The following AUTS2 variants were observed in gnomAD, a reference collection of about 807,000 sequenced individuals.
The protein encoded by AUTS2 is autism susceptibility gene 2 protein.
A neutral mutation model predicts 112.4 loss-of-function variants in AUTS2; 17 were observed. The ratio of observed to expected loss-of-function variants is 0.15; its 90% CI spans 0.10 to 0.23. The LOEUF (loss-of-function observed/expected upper bound fraction) is 0.23. Ranked by LOEUF, AUTS2 falls within the 10% of genes least tolerant of loss-of-function variation. The pLI is 1.00. For synonymous variants in AUTS2, 751 were observed against 702.7 expected, an observed-to-expected ratio of 1.07 and a Z score of -1.09; for missense variants, 1,510 against 1,701.6, an observed-to-expected ratio of 0.89 and a Z score of 1.98.
chr7:69,628,286 G>A (rs1362580272), intron 1 of AUTS2, among the ~76,000 whole-genome samples: 2 of 152,138 alleles, frequency 1.3e-5, no homozygotes, highest in African/African-American at 4.8e-5. Context: ...ACAGAGAGAG[G>A]AAACTTTTAA....
chr7:70,528,836 C>G (rs79950672), intron 5 of AUTS2, among the ~76,000 whole-genome samples: 4,638 of 151,550 alleles, frequency 0.031, 104 homozygotes, highest in Middle Eastern at 0.095. Flanking sequence ...TGCCCTCCAT[C>G]TAGAAGGGGA....
At chr7:70,002,849 C>T (rs1799261006) in intron 2 of AUTS2, among the ~76,000 whole-genome samples, 1 of 151,930 alleles carries the variant, frequency 6.6e-6, no homozygotes, top group Non-Finnish European at 1.5e-5. Flanking sequence ...TTTATTTGTA[C>T]ATCACTCTTA....
At chr7:70,106,667 G>T (rs968185662) in intron 2 of AUTS2, among the ~76,000 whole-genome samples, 2 of 152,182 alleles carry the variant, frequency 1.3e-5, no homozygotes, top group African/African-American at 2.4e-5. Flanking sequence ...CTGCAGTGGG[G>T]TGTGATCGTA....
In AUTS2 at chr7:70,727,006, C is replaced by T. The variant is rs568364541; in HGVS notation, c.742+28386C>T. 5.5e-4 allele frequency among the ~76,000 whole-genome samples: 83 copies of T among 152,254 alleles called. No homozygotes were observed. In the Middle Eastern group the frequency reaches 0.014, roughly 25 times the overall value. On this transcript the variant is annotated intron_variant, in intron 6 of 18. Transcript: ENST00000342771. ...AGGTAGGCTTGTGTTTTCACTTCTC[C>T]GTGCCAGCTTTCTGTCCTCACCCTC...
At chr7:69,810,355 T>G (rs548172107) in intron 1 of AUTS2, among the ~76,000 whole-genome samples, 3 of 152,340 alleles carry the variant, frequency 2.0e-5, no homozygotes, top group Admixed American at 2.0e-4. Context: ...CTCATAAGGA[T>G]TAACTGTGAT....
At chr7:70,638,757 C>CA (rs1405869760) in intron 5 of AUTS2, among the ~76,000 whole-genome samples, 19 of 152,284 alleles carry the variant, frequency 1.2e-4, no homozygotes, top group Admixed American at 9.2e-4. Flanking sequence ...TAATATGTAA[C>CA]AGAGATGCAA....
intron 4 of AUTS2, among the ~76,000 whole-genome samples, chr7:70,295,121 TG>T (rs1205183606): frequency 6.6e-6 from 1 of 152,202 alleles, no homozygotes; most frequent in Non-Finnish European, 1.5e-5. Context: ...AAAATAGAAT[TG>T]GAGTTTATGT....
chr7:70,137,588 A>G (rs1481620552), intron 4 of AUTS2, among the ~76,000 whole-genome samples: 1 of 152,068 alleles, frequency 6.6e-6, no homozygotes, highest in Non-Finnish European at 1.5e-5. Flanking sequence ...ATAATTAAGA[A>G]CTTAGAGGCA....
In AUTS2 at chr7:70,485,347, A is replaced by T. The variant is rs1444314525; in HGVS notation, c.690+49566A>T. On this transcript the variant is annotated intron_variant, in intron 5 of 18. Transcript: ENST00000342771. ...ACCATGGATGGAGCTGGAGGCCATT[A>T]TTCTAAGTGAAGTAATTCAAGAATG... 2.0e-5 allele frequency among the ~76,000 whole-genome samples: 3 copies of T among 152,336 alleles called. No homozygotes were observed. In the East Asian group the frequency reaches 5.8e-4, roughly 29 times the overall value.
intron 6 of AUTS2, among the ~76,000 whole-genome samples, chr7:70,740,507 A>G (rs1010448800): frequency 6.6e-6 from 1 of 151,992 alleles, no homozygotes; most frequent in Non-Finnish European, 1.5e-5. Flanking sequence ...GATCATAATC[A>G]TGTCTCATCA....
intron 1 of AUTS2, among the ~76,000 whole-genome samples, chr7:69,648,162 G>A (rs1450412293): frequency 5.3e-5 from 8 of 152,118 alleles, no homozygotes; most frequent in Non-Finnish European, 1.2e-4. Context: ...TTCTGATGCA[G>A]CCTGCATGGG....
chr7:70,061,019 C>T (rs1164031605), intron 2 of AUTS2, among the ~76,000 whole-genome samples: 1 of 152,158 alleles, frequency 6.6e-6, no homozygotes, highest in Non-Finnish European at 1.5e-5. Flanking sequence ...ATCTCTATGC[C>T]TTATTTATTT....
At chr7:70,149,272 T>G (rs1213278487) in intron 4 of AUTS2, among the ~76,000 whole-genome samples, 2 of 152,000 alleles carry the variant, frequency 1.3e-5, no homozygotes, top group African/African-American at 4.8e-5. Context: ...CTCATTGAGG[T>G]CCTCAATAAG....
At chr7:70,236,261 T>C (rs1812321174) in intron 4 of AUTS2, among the ~76,000 whole-genome samples, 2 of 152,228 alleles carry the variant, frequency 1.3e-5, no homozygotes, top group South Asian at 4.1e-4. Flanking sequence ...ATTTAATTTA[T>C]AGTTTTGTTG....
At chr7:69,972,459 G>T (rs964765912) in intron 2 of AUTS2, among the ~76,000 whole-genome samples, 1 of 152,096 alleles carries the variant, frequency 6.6e-6, no homozygotes, top group Non-Finnish European at 1.5e-5. Flanking sequence ...AAACTTTGAT[G>T]CAGTCCAGTG....
intron 4 of AUTS2, among the ~76,000 whole-genome samples, chr7:70,433,693 G>C (rs760674189): frequency 1.3e-4 from 20 of 152,200 alleles, no homozygotes; most frequent in Non-Finnish European, 2.5e-4. Flanking sequence ...CGCTGTCACT[G>C]AATATCTGAC....
At chr7:70,098,532 G>A (rs1298410962) in intron 2 of AUTS2, among the ~76,000 whole-genome samples, 1 of 151,994 alleles carries the variant, frequency 6.6e-6, no homozygotes, top group African/African-American at 2.4e-5. Flanking sequence ...ATGGCTAGCT[G>A]TGGGGTACCG....
chr7:70,408,416 C>T (rs1398498048), intron 4 of AUTS2, among the ~76,000 whole-genome samples: 2 of 152,092 alleles, frequency 1.3e-5, no homozygotes, highest in Non-Finnish European at 2.9e-5. Context: ...TGCCATTCCT[C>T]TGCCTGTAAG....
intron 2 of AUTS2, among the ~76,000 whole-genome samples, chr7:70,063,155 C>T (rs1802330938): frequency 6.6e-6 from 1 of 152,120 alleles, no homozygotes; most frequent in African/African-American, 2.4e-5. Flanking sequence ...TCAACATTTC[C>T]AAGTGGGACT....
Sources: allele counts gnomAD v4.1 joint callset (sites outside exome capture counted in the v4.1 genomes callset), GRCh38; gene constraint gnomAD v4.1.1; transcripts MANE v1.5; gene names NCBI Gene and HGNC (gene_info 2026-07-23, HGNC 2026-07-21).